Variants in TENM3 observed in about 807,000 individuals in gnomAD.
TENM3 encodes the protein teneurin-3.
TENM3 carries 63 observed loss-of-function variants against 255.1 expected under a neutral mutation model. That is an observed-to-expected ratio of 0.25 (90% CI 0.20 to 0.30). The LOEUF is 0.30. Among genes scored for constraint, TENM3 ranks in the 10% least tolerant of loss-of-function variants. TENM3 has a pLI of 1.00. For missense variants in TENM3, 2,929 were observed against 3,461.1 expected, an observed-to-expected ratio of 0.85 and a Z score of 3.86; for synonymous variants, 1,306 against 1,322.3, an observed-to-expected ratio of 0.99 and a Z score of 0.27.
At chr4:181,988,834 T>A in the TENM3 span, among the ~76,000 whole-genome samples, 48 of 151,978 alleles carry the variant, frequency 3.2e-4, no homozygotes, top group African/African-American at 9.2e-4. Flanking sequence ...TTTGGACAAG[T>A]TTATCAGTAC....
chr4:181,616,275 G>T, the TENM3 span, among the ~76,000 whole-genome samples: 3 of 75,628 alleles, frequency 4.0e-5, no homozygotes, highest in African/African-American at 4.9e-5. Context: ...TATTAGTAAA[G>T]GTTTCCAAAA....
chr4:181,589,983 C>T, the TENM3 span, among the ~76,000 whole-genome samples: 1 of 152,164 alleles, frequency 6.6e-6, no homozygotes, highest in Non-Finnish European at 1.5e-5. Context: ...CTGCTTTTGA[C>T]TCAAAATAGT....
chr4:182,623,011 C>CTTTT (rs562578993), intron 4 of TENM3, among the ~76,000 whole-genome samples: 13 of 143,084 alleles, frequency 9.1e-5, no homozygotes, highest in Non-Finnish European at 1.4e-4. Flanking sequence ...GACAGAGTCT[C>CTTTT]TTTTTTTTTT....
chr4:182,167,231 A>G (rs968429758), intron 1 of TENM3, among the ~76,000 whole-genome samples: 8 of 152,350 alleles, frequency 5.3e-5, no homozygotes, highest in African/African-American at 1.7e-4. Flanking sequence ...TTGAGAGGAT[A>G]GGGAAAGACA....
chr4:182,774,962 A>G lies in TENM3; in HGVS notation c.5113A>G (p.Arg1705Gly). 6.2e-7 allele frequency: 1 copy of G among 1,613,926 alleles called. No individual in the cohort carries two copies. Among genetic ancestry groups the G allele is most frequent in the Non-Finnish European group, 8.5e-7 (1 of 1,179,840 alleles). ...CCAGATTGGTTATGACGGCTCCCTCAGAATTATCTACGCCAGTGGCCTGGA... is the reference window on the plus strand; with the variant it reads ...CCAGATTGGTTATGACGGCTCCCTCGGAATTATCTACGCCAGTGGCCTGGA... ...SYQIGYDGSL[R>G]IIYASGLDSH... Residue 1705 changes from arginine to glycine, a missense_variant, in exon 24 of 28, where the codon AGA becomes GGA. By Grantham distance (125) the Arg-to-Gly change is moderately radical. Transcript: ENST00000511685.
the TENM3 span, among the ~76,000 whole-genome samples, chr4:182,050,755 G>C: frequency 6.6e-6 from 1 of 152,118 alleles, no homozygotes; most frequent in East Asian, 1.9e-4. Flanking sequence ...AGTAAGCCAA[G>C]ACTGCACCAC....
At chr4:181,919,132 G>T in the TENM3 span, among the ~76,000 whole-genome samples, 2 of 152,104 alleles carry the variant, frequency 1.3e-5, no homozygotes, top group Non-Finnish European at 2.9e-5. Flanking sequence ...GGGGAGTTGT[G>T]GTACCATGAT....
At chr4:182,180,255 ATGACT>A (rs1208583686) in intron 1 of TENM3, among the ~76,000 whole-genome samples, 1 of 152,162 alleles carries the variant, frequency 6.6e-6, no homozygotes, top group African/African-American at 2.4e-5. Context: ...TTTTCACCAA[ATGACT>A]TGAACTGGAA....
chr4:182,799,626 C>T lies in TENM3; in HGVS notation c.7375C>T (p.Arg2459Trp), dbSNP rs1311377674. 5 of 1,544,204 alleles carry T rather than the reference C, an allele frequency of 3.2e-6. No homozygotes were observed. The highest frequency in any genetic ancestry group is 1.2e-5 in the South Asian group (1 of 84,048). ...CTTCGGAGTCCAGCAGCAAGTGGCG[C>T]GGCAGGCCAAGGCCTTCCTGTCGCT... The part of the protein sequence containing the change: ...PIFGVQQQVA[R>W]QAKAFLSLGK... The change falls in exon 28 of 28, where the codon CGG becomes TGG. Residue 2459 changes from arginine (R) to tryptophan (W), a missense_variant. Physicochemically the swap from Arg to Trp is moderately radical, Grantham distance 101. Transcript: ENST00000511685. The surrounding 1 kb of genome is among the most constrained non-coding windows in gnomAD (Gnocchi z 4.2).
the TENM3 span, among the ~76,000 whole-genome samples, chr4:181,947,337 A>G: frequency 3.3e-5 from 5 of 152,214 alleles, no homozygotes; most frequent in South Asian, 2.1e-4. Context: ...ATTTCATTCC[A>G]TTAGAAAAGA....
the TENM3 span, among the ~76,000 whole-genome samples, chr4:181,492,331 C>G: frequency 6.6e-6 from 1 of 152,158 alleles, no homozygotes; most frequent in African/African-American, 2.4e-5. Flanking sequence ...CTCAAAAGAA[C>G]AGTCTGTAGA....
At chr4:182,727,455 CAAA>C (rs10522655) in intron 13 of TENM3, among the ~76,000 whole-genome samples, 1 of 119,298 alleles carries the variant, frequency 8.4e-6, no homozygotes, top group Non-Finnish European at 1.7e-5. Flanking sequence ...GACTCAGTCT[CAAA>C]AAAAAAGAAA....
the TENM3 span, among the ~76,000 whole-genome samples, chr4:181,691,421 C>T: frequency 6.6e-6 from 1 of 152,046 alleles, no homozygotes; most frequent in Non-Finnish European, 1.5e-5. Flanking sequence ...TTTTCTGTAA[C>T]AGAACTACAG....
chr4:181,579,939 ATTT>A, the TENM3 span, among the ~76,000 whole-genome samples: 5 of 3,512 alleles, frequency 1.4e-3, no homozygotes, highest in South Asian at 0.089. Context: ...CTACAATTTT[ATTT>A]TATTTTATTT....
the TENM3 span, among the ~76,000 whole-genome samples, chr4:181,715,097 C>T: frequency 1.3e-5 from 2 of 152,284 alleles, no homozygotes; most frequent in Admixed American, 6.5e-5. Flanking sequence ...CGTGGTAGAG[C>T]AGGGTCTGGA....
chr4:182,098,276 G>A, the TENM3 span, among the ~76,000 whole-genome samples: 5 of 152,138 alleles, frequency 3.3e-5, no homozygotes, highest in African/African-American at 1.2e-4. Context: ...ACAGGATGGA[G>A]GTTCCTCAAA....
At chr4:181,787,429 C>G in the TENM3 span, among the ~76,000 whole-genome samples, 4 of 151,806 alleles carry the variant, frequency 2.6e-5, no homozygotes, top group South Asian at 2.1e-4. Flanking sequence ...ACCTCCACCT[C>G]CTTGGTTCAA....
At chr4:181,673,980 C>T in the TENM3 span, among the ~76,000 whole-genome samples, 13 of 151,852 alleles carry the variant, frequency 8.6e-5, no homozygotes, top group African/African-American at 3.1e-4. Context: ...TGGCGAATTT[C>T]TTTTCTTTTC....
chr4:181,809,178 C>T, the TENM3 span, among the ~76,000 whole-genome samples: 4 of 152,194 alleles, frequency 2.6e-5, no homozygotes, highest in African/African-American at 9.6e-5. Flanking sequence ...AGCCACTTCC[C>T]ATTCAGATGG....
Sources: allele counts gnomAD v4.1 joint callset (sites outside exome capture counted in the v4.1 genomes callset), GRCh38; gene constraint gnomAD v4.1.1; non-coding constraint Gnocchi (gnomAD v3.1); transcripts MANE v1.5; gene names NCBI Gene and HGNC (gene_info 2026-07-23, HGNC 2026-07-21).